CDH18: variants seen among roughly 807,000 people sequenced by gnomAD.
The protein encoded by CDH18 is cadherin-18.
A neutral mutation model predicts 67.9 loss-of-function variants in CDH18; 31 were observed. That is an observed-to-expected ratio of 0.46 (90% CI 0.34 to 0.62). The LOEUF (loss-of-function observed/expected upper bound fraction) is 0.62, where lower values mean the gene tolerates loss of function less well. Among genes scored for constraint, CDH18 ranks in the 20% least tolerant of loss-of-function variants. CDH18 has a pLI of 0.01. For missense variants in CDH18, 890 were observed against 975.5 expected (o/e 0.91, Z 1.17); for synonymous variants, 362 against 347.2 (o/e 1.04, Z -0.48).
intron 7 of CDH18, among the ~76,000 whole-genome samples, chr5:19,585,897 A>G (rs1372286074): frequency 1.3e-5 from 2 of 152,186 alleles, no homozygotes; most frequent in Non-Finnish European, 2.9e-5. Context: ...ATCTGAATAT[A>G]TAACATGAGT....
chr5:19,532,744 T>A (rs1031966822), intron 9 of CDH18, among the ~76,000 whole-genome samples: 2 of 152,014 alleles, frequency 1.3e-5, no homozygotes, highest in Non-Finnish European at 2.9e-5. Context: ...GCGGTGGAAG[T>A]GAGATAAATG....
chr5:20,533,336 T>C (rs1444842678), intron 1 of CDH18, among the ~76,000 whole-genome samples: 1 of 152,052 alleles, frequency 6.6e-6, no homozygotes, highest in Non-Finnish European at 1.5e-5. Context: ...GTCTTACAGT[T>C]CTTCAGGATT....
chr5:19,612,149 C>T (rs1345178074), intron 6 of CDH18, among the ~76,000 whole-genome samples: 2 of 152,140 alleles, frequency 1.3e-5, no homozygotes, highest in African/African-American at 4.8e-5. Flanking sequence ...ACAGATACTT[C>T]GCCAAAGGCA....
intron 2 of CDH18, among the ~76,000 whole-genome samples, chr5:19,994,270 T>C (rs926108578): frequency 2.0e-5 from 3 of 148,378 alleles, no homozygotes; most frequent in African/African-American, 7.4e-5. Context: ...CACATATATG[T>C]ATACATATAT....
At chr5:20,357,700 A>C (rs1321414760) in intron 1 of CDH18, among the ~76,000 whole-genome samples, 1 of 152,198 alleles carries the variant, frequency 6.6e-6, no homozygotes, top group Non-Finnish European at 1.5e-5. Context: ...GACTTTATAC[A>C]CTATTATTGG....
intron 3 of CDH18, among the ~76,000 whole-genome samples, chr5:19,759,323 T>C (rs1268628494): frequency 6.6e-6 from 1 of 152,210 alleles, no homozygotes; most frequent in Non-Finnish European, 1.5e-5. Context: ...GGCACTAATG[T>C]CTGCAATCCC....
intron 2 of CDH18, among the ~76,000 whole-genome samples, chr5:19,922,108 T>A (rs919240111): frequency 2.6e-5 from 4 of 152,204 alleles, no homozygotes; most frequent in African/African-American, 9.7e-5. Context: ...CATGAATGAA[T>A]GATTTTTCTC....
intron 2 of CDH18, among the ~76,000 whole-genome samples, chr5:20,048,793 T>G (rs757984323): frequency 4.6e-5 from 7 of 151,654 alleles, no homozygotes; most frequent in African/African-American, 7.2e-5. Context: ...TCCTTCTACA[T>G]AAATGGAGAC....
intron 2 of CDH18, among the ~76,000 whole-genome samples, chr5:20,063,510 A>G (rs1410755211): frequency 2.0e-5 from 3 of 152,136 alleles, no homozygotes; most frequent in Non-Finnish European, 4.4e-5. Flanking sequence ...TCCACACAGT[A>G]GAAAAAAAAT....
At chr5:20,283,121 C>T (rs1319889590) in intron 1 of CDH18, among the ~76,000 whole-genome samples, 1 of 151,672 alleles carries the variant, frequency 6.6e-6, no homozygotes, top group African/African-American at 2.4e-5. Context: ...AAATTAAATA[C>T]TTACACTAAG....
chr5:19,734,362 G>T (rs1297065000), intron 4 of CDH18, among the ~76,000 whole-genome samples: 1 of 152,058 alleles, frequency 6.6e-6, no homozygotes, highest in Non-Finnish European at 1.5e-5. Context: ...TCAGAAGAGG[G>T]GACTTGTGAT....
chr5:19,905,146 T>C (rs1031594848), intron 2 of CDH18, among the ~76,000 whole-genome samples: 1 of 152,168 alleles, frequency 6.6e-6, no homozygotes, highest in Non-Finnish European at 1.5e-5. Flanking sequence ...AGTTCAAGCA[T>C]TCCGATTTCC....
chr5:20,431,714 A>G (rs1452416590), intron 1 of CDH18, among the ~76,000 whole-genome samples: 1 of 152,030 alleles, frequency 6.6e-6, no homozygotes, highest in East Asian at 1.9e-4. Context: ...AGCCTATAAA[A>G]GTTCTCTGTT....
chr5:19,563,893 A>G (rs1739903534), intron 8 of CDH18, among the ~76,000 whole-genome samples: 1 of 152,182 alleles, frequency 6.6e-6, no homozygotes, highest in East Asian at 1.9e-4. Flanking sequence ...GCAGAGCACA[A>G]AGAGAGAATC....
chr5:19,501,319 T>G (rs947349723), intron 11 of CDH18, among the ~76,000 whole-genome samples: 1 of 150,206 alleles, frequency 6.7e-6, no homozygotes, highest in African/African-American at 2.4e-5. Flanking sequence ...AATGTGGGAT[T>G]TGGCCAGGGG....
At chr5:20,189,503 A>G (rs1738369205) in intron 2 of CDH18, among the ~76,000 whole-genome samples, 4 of 152,120 alleles carry the variant, frequency 2.6e-5, no homozygotes, top group Admixed American at 2.6e-4. Flanking sequence ...AATTTTATGT[A>G]TTATATAAAT....
At chr5:19,795,614 A>T (rs966326213) in intron 3 of CDH18, among the ~76,000 whole-genome samples, 1 of 152,186 alleles carries the variant, frequency 6.6e-6, no homozygotes, top group African/African-American at 2.4e-5. Flanking sequence ...CTTAAAATAG[A>T]CTTTAACAAG....
chr5:20,118,430 A>G (rs1004329605), intron 2 of CDH18, among the ~76,000 whole-genome samples: 1 of 152,172 alleles, frequency 6.6e-6, no homozygotes, highest in Non-Finnish European at 1.5e-5. Context: ...CACTTTTTAA[A>G]GCAGATGTTA....
chr5:19,930,582 G>C (rs1405378129), intron 2 of CDH18, among the ~76,000 whole-genome samples: 4 of 151,962 alleles, frequency 2.6e-5, no homozygotes, highest in African/African-American at 9.7e-5. Context: ...GTTACCATGG[G>C]AGAGGCTCCG....
Sources: gnomAD v4.1 joint callset for allele counts (sites outside exome capture counted in the v4.1 genomes callset) on GRCh38, gnomAD v4.1.1 for gene constraint, MANE v1.5 for transcripts, NCBI Gene and HGNC (gene_info 2026-07-23, HGNC 2026-07-21) for gene names.